The following THY1 variants were observed in gnomAD, a reference collection of about 807,000 sequenced individuals.
THY1 encodes the protein Thy-1 cell surface antigen.
THY1 carries 10 observed loss-of-function variants against 14.9 expected under a neutral mutation model. The ratio of observed to expected loss-of-function variants is 0.67; its 90% CI spans 0.41 to 1.14. THY1 has a LOEUF of 1.14. Among genes scored for constraint, THY1 ranks in the 50% most tolerant of loss-of-function variants. The pLI is 0.00. For synonymous variants in THY1, 80 were observed against 90.0 expected (o/e 0.89, Z 0.63); for missense variants, 159 against 202.1 (o/e 0.79, Z 1.29).
rs1228729888 is a variant in THY1, at chr11:119,417,048, A to AT, written c.*2359dup. The stretch of plus-strand genomic sequence containing the variant: ...CAGTGCCGCTCATTTCCTTCCAGAA[A>AT]TACCTCCATACTCTTTTACTATCCT... On this transcript the variant is annotated 3_prime_UTR_variant, in exon 4 of 4. Coordinates refer to ENST00000284240, the MANE Select transcript of THY1 (RefSeq NM_006288.5). 2.0e-5 allele frequency among the ~76,000 whole-genome samples: 3 copies of AT among 152,222 alleles called. No individual in the cohort carries two copies. Among genetic ancestry groups the AT allele is most frequent in the African/African-American group, 7.2e-5 (3 of 41,454 alleles).
rs1861936456 is a variant in THY1, at chr11:119,422,839, C to G, written c.-25+274G>C. Among the ~76,000 whole-genome samples, 1 of 152,214 alleles carries G rather than the reference C, an allele frequency of 6.6e-6. No homozygotes were observed. The highest frequency in any genetic ancestry group is 1.5e-5 in the Non-Finnish European group (1 of 68,042). ...AGGCTGTCCTTGGTGCCCTTCCTCC[C>G]TGTTCTCCAGCGCCCCAGCCCCAGA... On this transcript the variant is annotated intron_variant, in intron 1 of 3. Coordinates refer to ENST00000284240, the MANE Select transcript of THY1 (RefSeq NM_006288.5). This position sits in a 1 kb window ranked among gnomAD's most constrained non-coding sequence, Gnocchi z 7.0.
At position 119,422,917 on chromosome 11, in the gene THY1, A is replaced by C. The variant is rs768768280; in HGVS notation, c.-25+196T>G. On this transcript the variant is annotated intron_variant, in intron 1 of 3. Transcript: ENST00000284240. The surrounding 1 kb of genome is among the most constrained non-coding windows in gnomAD (Gnocchi z 7.0). ...GGGAGCGCCTTCCCCGAAAGACATC[A>C]GGGTGCCACGCGGCCCCTGCCCTGC... Among the ~76,000 whole-genome samples, 1 of 152,114 alleles carries C rather than the reference A, an allele frequency of 6.6e-6. No individual in the cohort carries two copies. The highest frequency in any genetic ancestry group is 1.5e-5 in the Non-Finnish European group (1 of 67,988).
Position 119,416,570 on chromosome 11 carries a change from G to A in THY1, c.*2838C>T, listed in dbSNP as rs1164925376. Among the ~76,000 whole-genome samples, 1 of 152,198 alleles carries A rather than the reference G, an allele frequency of 6.6e-6. No individual in the cohort carries two copies. The highest frequency in any genetic ancestry group is 1.5e-5 in the Non-Finnish European group (1 of 68,022). On this transcript the variant is annotated 3_prime_UTR_variant, in exon 4 of 4. Transcript: ENST00000284240. ...GCTCACTGCAACCTCCGCCTCCCGGGTTCAAGTGATTCTCCTGCCTCAGCC... is the reference window on the plus strand; with the variant it reads ...GCTCACTGCAACCTCCGCCTCCCGGATTCAAGTGATTCTCCTGCCTCAGCC...
At position 119,416,235 on chromosome 11, in the gene THY1, G is replaced by T. The variant is rs9651689; in HGVS notation, c.*3173C>A. Among the ~76,000 whole-genome samples, 10 of 152,158 alleles carry T rather than the reference G, an allele frequency of 6.6e-5. No individual in the cohort carries two copies. Among genetic ancestry groups the T allele is most frequent in the African/African-American group, 7.2e-5 (3 of 41,436 alleles). ...TAGGTATGGACTTAGGTGCTGAAGG[G>T]GGGGGACCCAGGAAAGAGGTTAGGA... On this transcript the variant is annotated 3_prime_UTR_variant, in exon 4 of 4. Transcript: ENST00000284240.
At position 119,419,313 on chromosome 11, in the gene THY1, T is replaced by G; in HGVS notation, c.*95A>C. The G allele has an allele frequency of 9.8e-6, 11 of 1,123,472 alleles. No homozygotes were observed. The highest frequency in any genetic ancestry group is 1.3e-5 in the Non-Finnish European group (10 of 757,208). 69.6% of individuals were successfully genotyped at this position (1,123,472 alleles called of 1,614,324 possible). On this transcript the variant is annotated 3_prime_UTR_variant, in exon 4 of 4. Transcript: ENST00000284240. ...TGGGGTCCCCACTTCTCCTCAAGGT[T>G]TGAGGGATTGGGGGGAGGGGGTCAG...
chr11:119,420,586 CA>C (rs1169484605), intron 2 of THY1, 200 bp from the exon 3 acceptor site: 9 of 637,856 alleles, frequency 1.4e-5, no homozygotes, highest in Middle Eastern at 4.2e-4. Flanking sequence ...TGGATCCTAT[CA>C]ATGTGTTTCA....
rs1343558906 is a variant in THY1 at position 119,417,563 on chromosome 11, G to A, written c.*1845C>T. On this transcript the variant is annotated 3_prime_UTR_variant, in exon 4 of 4. Coordinates refer to ENST00000284240, the MANE Select transcript of THY1 (RefSeq NM_006288.5). ...AGCAGTTGGAACCCACAGCTACCCTGCGGTCCCCCTCTTGCCCCCAATCCC... is the reference window on the plus strand; with the variant it reads ...AGCAGTTGGAACCCACAGCTACCCTACGGTCCCCCTCTTGCCCCCAATCCC... 6.6e-6 allele frequency: 1 copy of A among 152,174 alleles called. No homozygotes were observed. The allele number at this position is 152,174 out of a possible 1,614,324, so 9.4% of individuals were successfully genotyped here. A position where few individuals can be genotyped will look rare whatever the true frequency, so the allele number is the denominator to read the frequency against.
chr11:119,424,086 G>C (rs1322288485), upstream of THY1: 2 of 152,264 alleles, frequency 1.3e-5, no homozygotes, highest in Admixed American at 6.5e-5. Flanking sequence ...ATGGACCCCA[G>C]CTCTCAAGGG....
chr11:119,423,026 G>T (rs1382997465), intron 1 of THY1, 87 bp downstream of exon 1: 1 of 455,830 alleles, frequency 2.2e-6, no homozygotes, highest in Non-Finnish European at 4.4e-6. Flanking sequence ...CCCTCGGACC[G>T]TGGCCCGAAG....
In THY1 at chr11:119,418,810, A is replaced by ATT; in HGVS notation, c.*596_*597dup. On this transcript the variant is annotated 3_prime_UTR_variant, in exon 4 of 4. Transcript: ENST00000284240. ...AGTGGTAAGGAGGGCTGCCCTTTTT[A>ATT]TTTTTTTTTGGTTGTGGCTGAGAAT... 6.3e-6 allele frequency: 1 copy of ATT among 157,762 alleles called. No homozygotes were observed. The highest frequency in any genetic ancestry group is 1.9e-4 in the South Asian group (1 of 5,386). 9.8% of individuals were successfully genotyped at this position (157,762 alleles called of 1,614,324 possible).
At position 119,419,332 on chromosome 11, in the gene THY1, G is replaced by T; in HGVS notation, c.*76C>A. 1 of 1,314,058 alleles carries T rather than the reference G, an allele frequency of 7.6e-7. No individual in the cohort carries two copies. The highest frequency in any genetic ancestry group is 1.1e-6 in the Non-Finnish European group (1 of 925,692). The allele number at this position is 1,314,058 out of a possible 1,614,324, so 81.4% of individuals were successfully genotyped here. ...CAAGGTTTGAGGGATTGGGGGGAGG[G>T]GGTCAGCTGACTCAGAGAAGTAGGA... On this transcript the variant is annotated 3_prime_UTR_variant, in exon 4 of 4. Coordinates refer to ENST00000284240, the MANE Select transcript of THY1 (RefSeq NM_006288.5).
intron 1 of THY1, chr11:119,421,147 T>C: frequency 2.0e-6 from 1 of 494,930 alleles, no homozygotes; most frequent in Non-Finnish European, 3.6e-6. Context: ...AGTCACGGTG[T>C]GTTTCTGCGC....
Position 119,419,123 on chromosome 11 carries a change from C to G in THY1, c.*285G>C, listed in dbSNP as rs1861839588. 5.0e-6 allele frequency: 2 copies of G among 403,788 alleles called. No individual in the cohort carries two copies. Among genetic ancestry groups the G allele is most frequent in the Non-Finnish European group, 9.5e-6 (2 of 211,052 alleles). 25.0% of individuals were successfully genotyped at this position (403,788 alleles called of 1,614,324 possible). On this transcript the variant is annotated 3_prime_UTR_variant, in exon 4 of 4. Transcript: ENST00000284240. ...GGTCCCCAATCCTGGCTTCCCTCTT[C>G]ACGAACTCTCAAAGAAAAGGAAGGA...
Position 119,420,222 on chromosome 11 carries a change from C to T in THY1, c.202G>A (p.Gly68Arg), listed in dbSNP as rs1279258206. The T allele has an allele frequency of 6.2e-7, 1 of 1,614,230 alleles. No homozygotes were observed. The highest frequency in any genetic ancestry group is 8.5e-7 in the Non-Finnish European group (1 of 1,180,050). The change falls in exon 3 of 4, where the codon GGG becomes AGG. Residue 68 changes from glycine (G) to arginine (R), a missense_variant. Gly to Arg is a moderately radical substitution (Grantham distance 125, BLOSUM62 -2). Transcript: ENST00000284240. Reference sequence around the variant, plus strand: ...GAGCGGTATGTGTGCTCAGGCACCCCCACAGTGCCAAAGAGCACGTGCTTC... The same window carrying T: ...GAGCGGTATGTGTGCTCAGGCACCCTCACAGTGCCAAAGAGCACGTGCTTC... ...TKKHVLFGTV[G>R]VPEHTYRSRT...
At chr11:119,423,537 G>A, upstream of THY1, 1 of 265,106 alleles carries the variant, frequency 3.8e-6, no homozygotes, top group South Asian at 3.8e-5. Context: ...GAAAACCAAA[G>A]TGTAAGAGGT....
intron 3 of THY1, 23 bp from the exon 4 acceptor site, chr11:119,419,543 G>A (rs756921113): frequency 5.0e-6 from 8 of 1,599,302 alleles, no homozygotes; most frequent in Non-Finnish European, 6.0e-6. Context: ...AAGGGGGCCG[G>A]GGGCAGGGTA....
At position 119,418,902 on chromosome 11, in the gene THY1, G is replaced by A. The variant is rs1861834716; in HGVS notation, c.*506C>T. On this transcript the variant is annotated 3_prime_UTR_variant, in exon 4 of 4. Transcript: ENST00000284240. ...AATTCTTGGTGGTGCCCTCACATCTGGGGTCTTCAGGCACCAGCCATGCCT... is the reference window on the plus strand; with the variant it reads ...AATTCTTGGTGGTGCCCTCACATCTAGGGTCTTCAGGCACCAGCCATGCCT... 5.5e-6 allele frequency: 1 copy of A among 180,636 alleles called. No homozygotes were observed. The highest frequency in any genetic ancestry group is 1.2e-5 in the Non-Finnish European group (1 of 85,280). The allele number at this position is 180,636 out of a possible 1,614,324, so 11.2% of individuals were successfully genotyped here.
rs11574654 is a variant in THY1 at position 119,420,319 on chromosome 11, A to G, written c.105T>C (p.Arg35=). The change falls in exon 3 of 4, where the codon CGT becomes CGC. Residue 35 remains arginine (R), a synonymous_variant. Coordinates refer to ENST00000284240, the MANE Select transcript of THY1 (RefSeq NM_006288.5). ...TGGTATTCTCATGGCGGCAGTCCAG[A>G]CGAAGGCTCTGGTCCACTAGGCAGG... ...LTACLVDQSL[R]LDCRHENTSS... is the part of the protein sequence containing the mutation. 10 of 1,614,098 alleles carry G rather than the reference A, an allele frequency of 6.2e-6. No homozygotes were observed. In the South Asian group the frequency reaches 1.1e-4, roughly 18 times the overall value.
upstream of THY1, chr11:119,423,439 CA>C (rs1861955342): frequency 2.8e-6 from 1 of 352,786 alleles, no homozygotes; most frequent in Non-Finnish European, 5.6e-6. Flanking sequence ...GCCCAAAGAA[CA>C]TTATCCTCCT....
Sources: gnomAD v4.1 joint callset for allele counts (sites outside exome capture counted in the v4.1 genomes callset) on GRCh38, gnomAD v4.1.1 for gene constraint, Gnocchi (gnomAD v3.1) non-coding constraint, MANE v1.5 for transcripts, NCBI Gene and HGNC (gene_info 2026-07-23, HGNC 2026-07-21) for gene names.